The following PCDHGB1 variants were observed in gnomAD, a reference collection of about 807,000 sequenced individuals.
PCDHGB1 encodes the protein protocadherin gamma subfamily B, 1, also known as protocadherin gamma-B1.
In PCDHGB1, 34 loss-of-function variants were observed where a neutral mutation model predicts 56.6. That is an observed-to-expected ratio of 0.60 (90% CI 0.46 to 0.80). The LOEUF is 0.80. PCDHGB1 is among the 30% of genes least tolerant of loss of function. The pLI is 0.00. For synonymous variants in PCDHGB1, 561 were observed against 505.9 expected (o/e 1.11, Z -1.46); for missense variants, 1,278 against 1,204.6 (o/e 1.06, Z -0.90).
chr5:141,499,054 TGAA>T (rs2099789231), intron 2 of PCDHGB1, among the ~76,000 whole-genome samples: 1 of 150,820 alleles, frequency 6.6e-6, no homozygotes, highest in Non-Finnish European at 1.5e-5. Context: ...GGAGAAAAAA[TGAA>T]GAAGACTTAC....
intron 1 of PCDHGB1, chr5:141,400,163 ACC>A (rs2093974471): frequency 6.2e-7 from 1 of 1,613,712 alleles, no homozygotes. Context: ...GTACCCTCTG[ACC>A]CCCAGGCTGA....
Position 141,464,802 on chromosome 5 carries a change from A to G in PCDHGB1, c.2410-30005A>G, listed in dbSNP as rs545738780. ...TGCCCAGGCCAAATTGCAGTGATGC[A>G]GTCATAGCTCACTGTAGCCTCGCAC... On this transcript the variant is annotated intron_variant, in intron 1 of 3. Transcript: ENST00000523390. Among the ~76,000 whole-genome samples, 25 of 152,032 alleles carry G rather than the reference A, an allele frequency of 1.6e-4. No homozygotes were observed. In the East Asian group the frequency reaches 4.8e-3, roughly 29 times the overall value.
chr5:141,427,995 G>C (rs1292989797), intron 1 of PCDHGB1: 2 of 1,599,590 alleles, frequency 1.3e-6, no homozygotes, highest in African/African-American at 2.7e-5. Flanking sequence ...CGATGGCTCC[G>C]CACTCTTCGA....
intron 1 of PCDHGB1, among the ~76,000 whole-genome samples, chr5:141,438,591 CAT>C (rs946798767): frequency 2.9e-3 from 219 of 75,538 alleles, no homozygotes; most frequent in Middle Eastern, 0.016. Context: ...TACATACATA[CAT>C]ATATATATAT....
At chr5:141,379,106 T>C (rs1181116789) in intron 1 of PCDHGB1, 3 of 152,192 alleles carry the variant, frequency 2.0e-5, no homozygotes, top group Non-Finnish European at 4.4e-5. Context: ...AAAAAAGCAA[T>C]TGAGAAGATA....
intron 1 of PCDHGB1, chr5:141,375,668 C>T: frequency 2.5e-6 from 4 of 1,614,258 alleles, no homozygotes; most frequent in Non-Finnish European, 3.4e-6. Context: ...GAGAGACCTA[C>T]AGCTGTGGGT....
chr5:141,399,314 A>C (rs1309292354), intron 1 of PCDHGB1: 9 of 1,613,988 alleles, frequency 5.6e-6, no homozygotes, highest in Non-Finnish European at 1.7e-6. Context: ...TCATCCAAAA[A>C]TTCGTATAAG....
In PCDHGB1 at chr5:141,489,201, G is replaced by A. The variant is rs757039294; in HGVS notation, c.2410-5606G>A. ...AGCCCTGGGTCTACCTTGGAGACAG[G>A]ACAGCACAGACTTACTCTCCACAAA... On this transcript the variant is annotated intron_variant, in intron 1 of 3. Coordinates refer to ENST00000523390, the MANE Select transcript of PCDHGB1 (RefSeq NM_018922.3). This position sits in a 1 kb window ranked among gnomAD's most constrained non-coding sequence, Gnocchi z 4.5. The A allele has an allele frequency of 7.8e-6, 11 of 1,416,092 alleles. No individual in the cohort carries two copies. In the African/African-American group the frequency reaches 1.3e-4, roughly 17 times the overall value. 87.7% of individuals were successfully genotyped at this position (1,416,092 alleles called of 1,614,324 possible).
chr5:141,491,855 G>A lies in PCDHGB1; in HGVS notation c.2410-2952G>A. ...TTCTCGGGATCATTGGACCGTTTGC[G>A]CGAAACCAGAGTGGCCGATTAAGGG... On this transcript the variant is annotated intron_variant, in intron 1 of 3. Coordinates refer to ENST00000523390, the MANE Select transcript of PCDHGB1 (RefSeq NM_018922.3). The surrounding 1 kb of genome is among the most constrained non-coding windows in gnomAD (Gnocchi z 6.9). The A allele has an allele frequency of 2.7e-6, 4 of 1,459,380 alleles. No individual in the cohort carries two copies. The highest frequency in any genetic ancestry group is 3.6e-6 in the Non-Finnish European group (4 of 1,103,492). The allele number at this position is 1,459,380 out of a possible 1,614,324, so 90.4% of individuals were successfully genotyped here. A position where few individuals can be genotyped will look rare whatever the true frequency, so the allele number is the denominator to read the frequency against.
intron 1 of PCDHGB1, chr5:141,377,855 G>A (rs1291859496): frequency 6.6e-6 from 1 of 152,074 alleles, no homozygotes; most frequent in Non-Finnish European, 1.5e-5. Flanking sequence ...TTAAAATTAA[G>A]ATTTAAAAGA....
chr5:141,373,621 A>G (rs908270659), intron 1 of PCDHGB1, among the ~76,000 whole-genome samples: 1 of 152,256 alleles, frequency 6.6e-6, no homozygotes, highest in Admixed American at 6.5e-5. Flanking sequence ...AGAAGATTGT[A>G]ATATTATTTC....
chr5:141,388,712 G>C (rs1345089798), intron 1 of PCDHGB1: 6 of 1,613,868 alleles, frequency 3.7e-6, no homozygotes, highest in Non-Finnish European at 5.1e-6. Flanking sequence ...TCAATGCCGA[G>C]ATTACTTTCT....
intron 3 of PCDHGB1, among the ~76,000 whole-genome samples, chr5:141,507,891 C>A (rs1031803854): frequency 6.6e-6 from 1 of 152,208 alleles, no homozygotes; most frequent in African/African-American, 2.4e-5. Flanking sequence ...AGAGAGGTTC[C>A]TGAAGTCCAG....
At chr5:141,495,544 T>C (rs971374249) in intron 2 of PCDHGB1, among the ~76,000 whole-genome samples, 5 of 152,220 alleles carry the variant, frequency 3.3e-5, no homozygotes, top group African/African-American at 7.2e-5. Context: ...CCTCAGTCTC[T>C]ATCTCGCTTT....
chr5:141,455,897 T>C (rs1330516646), intron 1 of PCDHGB1, among the ~76,000 whole-genome samples: 1 of 149,800 alleles, frequency 6.7e-6, no homozygotes, highest in African/African-American at 2.4e-5. Flanking sequence ...ATTTATTTAT[T>C]TATTTATTTA....
At chr5:141,421,267 C>T in intron 1 of PCDHGB1, 1 of 1,611,374 alleles carries the variant, frequency 6.2e-7, no homozygotes, top group Non-Finnish European at 8.5e-7. Flanking sequence ...CAGTCGGCTG[C>T]TGCTGCTGCT....
rs73280340 is a variant in PCDHGB1, at chr5:141,473,067, G to A, written c.2410-21740G>A. On this transcript the variant is annotated intron_variant, in intron 1 of 3. Transcript: ENST00000523390. ...GAAAGAAGTGATACAACAAGTTACA[G>A]CATCTTTGTTTATTATCCACTGTGA... Among the ~76,000 whole-genome samples the A allele has an allele frequency of 5.6e-3, 854 of 152,054 alleles. 5 individuals are homozygous for A. The highest frequency in any genetic ancestry group is 0.019 in the African/African-American group (798 of 41,456).
chr5:141,362,545 A>G (rs1181876257), intron 1 of PCDHGB1: 1 of 1,613,638 alleles, frequency 6.2e-7, no homozygotes. Flanking sequence ...TGCCTCAGAT[A>G]CTATTTTGAA....
At chr5:141,455,789 G>A (rs966897617) in intron 1 of PCDHGB1, among the ~76,000 whole-genome samples, 56 of 152,058 alleles carry the variant, frequency 3.7e-4, no homozygotes, top group African/African-American at 1.3e-3. Context: ...AACTTTTCCG[G>A]AGATGCTTTA....
Sources: gnomAD v4.1 joint callset for allele counts (sites outside exome capture counted in the v4.1 genomes callset) on GRCh38, gnomAD v4.1.1 for gene constraint, Gnocchi (gnomAD v3.1) non-coding constraint, MANE v1.5 for transcripts, NCBI Gene and HGNC (gene_info 2026-07-23, HGNC 2026-07-21) for gene names.